The following ADCY5 variants were observed in gnomAD, a reference collection of about 807,000 sequenced individuals.
ADCY5 encodes the protein adenylate cyclase type 5.
ADCY5 carries 30 observed loss-of-function variants against 119.7 expected under a neutral mutation model. The ratio of observed to expected loss-of-function variants is 0.25; its 90% CI spans 0.19 to 0.34. The LOEUF is 0.34. Ranked by LOEUF, ADCY5 falls within the 10% of genes least tolerant of loss-of-function variation. The pLI is 1.00. For synonymous variants in ADCY5, 753 were observed against 762.2 expected (o/e 0.99, Z 0.20); for missense variants, 1,324 against 1,775.2 (o/e 0.75, Z 4.57).
intron 14 of ADCY5, among the ~76,000 whole-genome samples, chr3:123,301,013 C>T (rs373188370): frequency 1.3e-5 from 2 of 151,904 alleles, no homozygotes; most frequent in African/African-American, 4.8e-5. Context: ...GAGGAGGGAT[C>T]GTGCCCTGTG....
intron 1 of ADCY5, among the ~76,000 whole-genome samples, chr3:123,446,751 G>A (rs1020077322): frequency 4.6e-5 from 7 of 152,146 alleles, no homozygotes; most frequent in Admixed American, 6.5e-5. Flanking sequence ...ACAGCTTTCT[G>A]CTCAGGCCGG....
rs553014278 is a variant in ADCY5 at position 123,282,746 on chromosome 3, A to T, written c.*1862T>A. The T allele has an allele frequency of 3.3e-5, 5 of 152,322 alleles. No individual in the cohort carries two copies. Among genetic ancestry groups the T allele is most frequent in the Non-Finnish European group, 7.3e-5 (5 of 68,122 alleles). The allele number at this position is 152,322 out of a possible 1,614,324, so 9.4% of individuals were successfully genotyped here. A position where few individuals can be genotyped will look rare whatever the true frequency, so the allele number is the denominator to read the frequency against. On this transcript the variant is annotated 3_prime_UTR_variant, in exon 21 of 21. Transcript: ENST00000462833. ...TGGGTCCACACACTTTGCTTCTCAG[A>T]GCTGTGTTCAGTTGGTGTGCGGGGA...
At chr3:123,349,823 T>G (rs1184664994) in intron 2 of ADCY5, among the ~76,000 whole-genome samples, 2 of 152,226 alleles carry the variant, frequency 1.3e-5, no homozygotes, top group African/African-American at 4.8e-5. Flanking sequence ...CAGATCACTT[T>G]GCTTGTCTCC....
At chr3:123,439,567 A>G (rs976486787) in intron 1 of ADCY5, among the ~76,000 whole-genome samples, 1 of 152,216 alleles carries the variant, frequency 6.6e-6, no homozygotes, top group African/African-American at 2.4e-5. Context: ...TATCACAAGT[A>G]TAGATATACA....
chr3:123,285,719 G>A (rs145190169), intron 20 of ADCY5, among the ~76,000 whole-genome samples: 1 of 152,322 alleles, frequency 6.6e-6, no homozygotes, highest in Non-Finnish European at 1.5e-5. Flanking sequence ...TCCCTGAATG[G>A]GCTGGAAGCC....
At chr3:123,408,654 TAA>T (rs1263526009) in intron 1 of ADCY5, among the ~76,000 whole-genome samples, 33 of 122,334 alleles carry the variant, frequency 2.7e-4, no homozygotes, top group South Asian at 2.6e-4. Context: ...AGATTGCATC[TAA>T]AAAAAAAAAA....
At chr3:123,318,216 G>C in intron 10 of ADCY5, 99 bp from the exon 11 acceptor site, 1 of 872,404 alleles carries the variant, frequency 1.1e-6, no homozygotes, top group Non-Finnish European at 1.9e-6. Context: ...CTCATGGCTG[G>C]TCACCTGTGC....
intron 15 of ADCY5, among the ~76,000 whole-genome samples, chr3:123,299,846 G>A (rs899429224): frequency 5.3e-5 from 8 of 152,248 alleles, no homozygotes; most frequent in East Asian, 3.9e-4. Context: ...CAGCTGGACC[G>A]AGGTGAAAGC....
rs142032690 is a variant in ADCY5, at chr3:123,378,772, G to T, written c.1135-26191C>A. On this transcript the variant is annotated intron_variant, in intron 1 of 20. Transcript: ENST00000462833. Reference sequence around the variant, plus strand: ...GGATGCAGGTCCTGTCCCCAGCTCCGACTGGCCAGATGTCATTAATTATGT... The same window carrying T: ...GGATGCAGGTCCTGTCCCCAGCTCCTACTGGCCAGATGTCATTAATTATGT... 5.3e-5 allele frequency among the ~76,000 whole-genome samples: 8 copies of T among 152,308 alleles called. No individual in the cohort carries two copies. The East Asian group carries it at 1.5e-3, about 29-fold the overall frequency.
intron 8 of ADCY5, 112 bp downstream of exon 8, chr3:123,325,210 T>A: frequency 7.2e-7 from 1 of 1,390,190 alleles, no homozygotes. Flanking sequence ...TTTGCTTGTG[T>A]GGCTCCCCAG....
intron 14 of ADCY5, 108 bp downstream of exon 14, chr3:123,302,947 T>TGAGCTGGTGAGACCCTGTCCTTCA: frequency 7.5e-7 from 1 of 1,335,354 alleles, no homozygotes; most frequent in Non-Finnish European, 1.0e-6. Flanking sequence ...TAGAAGACAG[T>TGAGCTGGTGAGACCCTGTCCTTCA]GAGCTGGTGA....
chr3:123,310,773 C>T (rs1940524421), intron 12 of ADCY5, among the ~76,000 whole-genome samples: 1 of 152,156 alleles, frequency 6.6e-6, no homozygotes, highest in Non-Finnish European at 1.5e-5. Context: ...AGTGGGGGCT[C>T]TGCAAGGCAG....
intron 5 of ADCY5, among the ~76,000 whole-genome samples, chr3:123,329,830 C>G (rs1941676513): frequency 6.6e-6 from 1 of 152,220 alleles, no homozygotes; most frequent in African/African-American, 2.4e-5. Flanking sequence ...GTAAATACCT[C>G]CACTGCAGCA....
chr3:123,360,073 T>A (rs934374670), intron 1 of ADCY5, among the ~76,000 whole-genome samples: 62 of 151,788 alleles, frequency 4.1e-4, no homozygotes, highest in African/African-American at 1.2e-3. Context: ...TTTTTTTTTT[T>A]AACTATTACA....
intron 1 of ADCY5, among the ~76,000 whole-genome samples, chr3:123,397,926 C>CT (rs1380519063): frequency 6.6e-6 from 1 of 152,070 alleles, no homozygotes; most frequent in Non-Finnish European, 1.5e-5. Flanking sequence ...ACAGAGGCTG[C>CT]TGGGAGAGTA....
intron 11 of ADCY5, among the ~76,000 whole-genome samples, chr3:123,315,762 G>T (rs906918680): frequency 6.6e-6 from 1 of 152,072 alleles, no homozygotes; most frequent in East Asian, 1.9e-4. Context: ...CACCACGCCC[G>T]GCTGATTTTT....
chr3:123,434,692 A>T (rs1945577468), intron 1 of ADCY5, among the ~76,000 whole-genome samples: 1 of 152,166 alleles, frequency 6.6e-6, no homozygotes, highest in East Asian at 1.9e-4. Flanking sequence ...CCCGAGAGTT[A>T]AATATAAATA....
At chr3:123,297,115 G>A in intron 16 of ADCY5, 2 of 1,462,832 alleles carry the variant, frequency 1.4e-6, no homozygotes, top group Non-Finnish European at 1.9e-6. Context: ...TCTGAAGCCG[G>A]TGATCCCAAC....
intron 1 of ADCY5, among the ~76,000 whole-genome samples, chr3:123,356,051 G>C (rs887002190): frequency 6.6e-6 from 1 of 152,124 alleles, no homozygotes; most frequent in Non-Finnish European, 1.5e-5. Context: ...AGTAGAAGAA[G>C]AGCAGTCTTT....
Sources: gnomAD v4.1 joint callset for allele counts (sites outside exome capture counted in the v4.1 genomes callset) on GRCh38, gnomAD v4.1.1 for gene constraint, MANE v1.5 for transcripts, NCBI Gene and HGNC (gene_info 2026-07-23, HGNC 2026-07-21) for gene names.